KCNAB3: variants seen among roughly 807,000 people sequenced by gnomAD.
KCNAB3 encodes the protein voltage-gated potassium channel subunit beta-3.
KCNAB3 carries 62 observed loss-of-function variants against 67.7 expected under a neutral mutation model. That is an observed-to-expected ratio of 0.92 (90% CI 0.75 to 1.13). KCNAB3 has a LOEUF of 1.13. Ranked by LOEUF, KCNAB3 falls within the 50% of genes most tolerant of loss-of-function variation. The probability of loss-of-function intolerance (pLI) is 0.00; values close to 1 mark genes in which losing one functional copy is unlikely to be tolerated. For missense variants in KCNAB3, 514 were observed against 522.9 expected, an observed-to-expected ratio of 0.98 and a Z score of 0.17; for synonymous variants, 212 against 205.4, an observed-to-expected ratio of 1.03 and a Z score of -0.27.
Position 7,929,122 on chromosome 17 carries a change from C to T in KCNAB3, c.242+72G>A, listed in dbSNP as rs750896684. 3 of 1,571,238 alleles carry T rather than the reference C, an allele frequency of 1.9e-6. No homozygotes were observed. The highest frequency in any genetic ancestry group is 2.3e-5 in the South Asian group (2 of 85,566). ...TTAGTGAAGTTTGAAGGGGTCTTGG[C>T]GGCCATCTCAAGCAGTCTCAGGGGT... On this transcript the variant is annotated intron_variant, in intron 1 of 13. Coordinates refer to ENST00000303790, the MANE Select transcript of KCNAB3 (RefSeq NM_004732.4). The surrounding 1 kb of genome is among the most constrained non-coding windows in gnomAD (Gnocchi z 5.7).
At position 7,924,128 on chromosome 17, in the gene KCNAB3, G is replaced by C; in HGVS notation, c.832+17C>G. 6.2e-7 allele frequency: 1 copy of C among 1,614,172 alleles called. No individual in the cohort carries two copies. The highest frequency in any genetic ancestry group is 8.5e-7 in the Non-Finnish European group (1 of 1,180,028). On this transcript the variant is annotated intron_variant, in intron 10 of 13. Coordinates refer to ENST00000303790, the MANE Select transcript of KCNAB3 (RefSeq NM_004732.4). ...ATGGATGAGGCTAAGGTAAAGGCAG[G>C]GATGAGGGCTGCAAACCAATCTTGT...
At position 7,922,900 on chromosome 17, in the gene KCNAB3, C is replaced by G. The variant is rs1972079837; in HGVS notation, c.*202G>C. 5 of 593,240 alleles carry G rather than the reference C, an allele frequency of 8.4e-6. No homozygotes were observed. In the Admixed American group the frequency reaches 1.4e-4, roughly 17 times the overall value. The allele number at this position is 593,240 out of a possible 1,614,324, so 36.7% of individuals were successfully genotyped here. ...AAAGACGCAGCAGGGGGCGGGCGTG[C>G]TACTTTCTCTCTCGACCCCACTGCA... On this transcript the variant is annotated 3_prime_UTR_variant, in exon 14 of 14. Coordinates refer to ENST00000303790, the MANE Select transcript of KCNAB3 (RefSeq NM_004732.4).
Position 7,922,896 on chromosome 17 carries a change from C to A in KCNAB3, c.*206G>T, listed in dbSNP as rs976877738. 3.4e-6 allele frequency: 2 copies of A among 590,836 alleles called. No individual in the cohort carries two copies. The highest frequency in any genetic ancestry group is 1.9e-5 in the African/African-American group (1 of 53,728). The allele number at this position is 590,836 out of a possible 1,614,324, so 36.6% of individuals were successfully genotyped here. ...CTAGAAAGACGCAGCAGGGGGCGGG[C>A]GTGCTACTTTCTCTCTCGACCCCAC... On this transcript the variant is annotated 3_prime_UTR_variant, in exon 14 of 14. Transcript: ENST00000303790.
chr17:7,926,590 A>G (rs1487532186), intron 4 of KCNAB3, among the ~76,000 whole-genome samples: 9 of 152,226 alleles, frequency 5.9e-5, no homozygotes, highest in Admixed American at 5.2e-4. Context: ...ATAATTTAGC[A>G]TAAAATTATG....
Position 7,929,796 on chromosome 17 carries a change from T to TTTTTAATGATA in KCNAB3, c.-362_-361insTATCATTAAAA. On this transcript the variant is annotated 5_prime_UTR_variant, in exon 1 of 14. Transcript: ENST00000303790. The surrounding 1 kb of genome is among the most constrained non-coding windows in gnomAD (Gnocchi z 5.7). ...AGCGGGGCGGGAGAGAGATGCCACT[T>TTTTTAATGATA]CAGCGCGAACCGCTGCGGGACCCGC... 260 of 1,128,148 alleles carry TTTTTAATGATA rather than the reference T, an allele frequency of 2.3e-4. No homozygotes were observed. The highest frequency in any genetic ancestry group is 1.4e-3 in the Admixed American group (30 of 20,696). The allele number at this position is 1,128,148 out of a possible 1,614,324, so 69.9% of individuals were successfully genotyped here.
Position 7,929,846 on chromosome 17 carries a change from G to A in KCNAB3, c.-411C>T, listed in dbSNP as rs369938158. The A allele has an allele frequency of 2.8e-6, 3 of 1,078,530 alleles. No individual in the cohort carries two copies. Among genetic ancestry groups the A allele is most frequent in the Non-Finnish European group, 2.3e-6 (2 of 887,342 alleles). 66.8% of individuals were successfully genotyped at this position (1,078,530 alleles called of 1,614,324 possible). A position where few individuals can be genotyped will look rare whatever the true frequency, so the allele number is the denominator to read the frequency against. ...CTGGGCTCCCAGCCGCGTCGGCAGC[G>A]GGCCCAGCTCATCAGCATGCAGGCA... is the stretch of plus-strand genomic sequence containing the variant. On this transcript the variant is annotated 5_prime_UTR_variant, in exon 1 of 14. Transcript: ENST00000303790. This position sits in a 1 kb window ranked among gnomAD's most constrained non-coding sequence, Gnocchi z 5.7.
Position 7,924,467 on chromosome 17 carries a change from T to C in KCNAB3, c.659A>G (p.Gln220Arg). The change falls in exon 9 of 14, where the codon CAG becomes CGG. Residue 220 changes from glutamine (Q) to arginine (R), a missense_variant. Coordinates refer to ENST00000303790, the MANE Select transcript of KCNAB3 (RefSeq NM_004732.4). ...IVRAMTYVIN[Q>R]GLALYWGTSR... Reference sequence around the variant, plus strand: ...TGTCCCCCAGTATAGGGCCAGGCCCTGGTTGATGACATAGGTCATGGCTCG... The same window carrying C: ...TGTCCCCCAGTATAGGGCCAGGCCCCGGTTGATGACATAGGTCATGGCTCG... The C allele has an allele frequency of 6.2e-7, 1 of 1,614,114 alleles. No homozygotes were observed. Among genetic ancestry groups the C allele is most frequent in the Non-Finnish European group, 8.5e-7 (1 of 1,179,990 alleles).
At chr17:7,928,113 C>T (rs1972297371) in intron 1 of KCNAB3, 4 of 551,664 alleles carry the variant, frequency 7.3e-6, no homozygotes, top group Non-Finnish European at 1.3e-5. Flanking sequence ...GTTTGTCCTT[C>T]TTCTGGGGTC....
At chr17:7,927,117 T>C (rs1206526640) in intron 4 of KCNAB3, 6 of 562,476 alleles carry the variant, frequency 1.1e-5, no homozygotes, top group Non-Finnish European at 1.9e-5. Context: ...GATATATTTG[T>C]TGCCTTTATT....
chr17:7,924,907 C>A, intron 8 of KCNAB3, 190 bp downstream of exon 8: 1 of 589,044 alleles, frequency 1.7e-6, no homozygotes, highest in Non-Finnish European at 2.9e-6. Flanking sequence ...CCACAGCCAG[C>A]TAATTTTAAA....
Position 7,929,822 on chromosome 17 carries a change from TGGGCTCCC to T in KCNAB3, c.-395_-388del. On this transcript the variant is annotated 5_prime_UTR_variant, in exon 1 of 14. Coordinates refer to ENST00000303790, the MANE Select transcript of KCNAB3 (RefSeq NM_004732.4). The surrounding 1 kb of genome is among the most constrained non-coding windows in gnomAD (Gnocchi z 5.7). ...CAGCGCGAACCGCTGCGGGACCCGCTGGGCTCCCAGCCGCGTCGGCAGCGGGCCCAGCT... is the reference window on the plus strand; with the variant it reads ...CAGCGCGAACCGCTGCGGGACCCGCTAGCCGCGTCGGCAGCGGGCCCAGCT... 17 of 1,066,396 alleles carry T rather than the reference TGGGCTCCC, an allele frequency of 1.6e-5. No individual in the cohort carries two copies. The highest frequency in any genetic ancestry group is 1.6e-4 in the Admixed American group (3 of 19,138). The allele number at this position is 1,066,396 out of a possible 1,614,324, so 66.1% of individuals were successfully genotyped here. A position where few individuals can be genotyped will look rare whatever the true frequency, so the allele number is the denominator to read the frequency against.
At chr17:7,923,355 T>C in intron 13 of KCNAB3, 101 bp downstream of exon 13, 2 of 1,316,260 alleles carry the variant, frequency 1.5e-6, no homozygotes, top group Non-Finnish European at 2.1e-6. Context: ...AGTGAGGACT[T>C]TGTAGTGGGT....
intron 9 of KCNAB3, 68 bp from the exon 10 acceptor site, chr17:7,924,333 C>T: frequency 1.9e-6 from 3 of 1,610,714 alleles, no homozygotes; most frequent in Non-Finnish European, 2.5e-6. Context: ...GCCTTCTCCC[C>T]CAGTGCAGTG....
chr17:7,921,904 T>G lies in KCNAB3; in HGVS notation c.*1198A>C, dbSNP rs2151712195. The G allele has an allele frequency of 6.6e-6, 1 of 152,296 alleles. No homozygotes were observed. Among genetic ancestry groups the G allele is most frequent in the South Asian group, 2.1e-4 (1 of 4,830 alleles). 9.4% of individuals were successfully genotyped at this position (152,296 alleles called of 1,614,324 possible). A position where few individuals can be genotyped will look rare whatever the true frequency, so the allele number is the denominator to read the frequency against. On this transcript the variant is annotated 3_prime_UTR_variant, in exon 14 of 14. Transcript: ENST00000303790. ...ATACAAACAAATAAAGGCAGATAGC[T>G]AAGTCTTTCATAGAAAGAGGAGGAA...
chr17:7,926,819 C>T (rs1342177835), intron 4 of KCNAB3, among the ~76,000 whole-genome samples: 1 of 152,156 alleles, frequency 6.6e-6, no homozygotes, highest in Non-Finnish European at 1.5e-5. Flanking sequence ...GGAAGGAGGC[C>T]TCTGACTTGA....
chr17:7,927,200 A>G (rs1972260639), intron 4 of KCNAB3, 144 bp downstream of exon 4: 2 of 753,896 alleles, frequency 2.7e-6, no homozygotes, highest in Non-Finnish European at 4.7e-6. Flanking sequence ...TAGCTCCTAC[A>G]GTGCTTTCGG....
rs201792582 is a variant in KCNAB3 at position 7,929,287 on chromosome 17, C to T, written c.149G>A (p.Gly50Asp). ...HGNPPGGGGS[G>D]PKARAALVPR... ...AACCAGTGCAGCTCGGGCCTTGGGGCCAGACCCTCCACCCCCCGGAGGATT... is the reference window on the plus strand; with the variant it reads ...AACCAGTGCAGCTCGGGCCTTGGGGTCAGACCCTCCACCCCCCGGAGGATT... Residue 50 changes from glycine (G) to aspartate (D), a missense_variant, in exon 1 of 14, where the codon GGC (glycine) becomes GAC (aspartate). Transcript: ENST00000303790. The surrounding 1 kb of genome is among the most constrained non-coding windows in gnomAD (Gnocchi z 5.7). The T allele has an allele frequency of 3.8e-6, 6 of 1,586,330 alleles. No homozygotes were observed. In the South Asian group the frequency reaches 4.6e-5, roughly 12 times the overall value.
In KCNAB3 at chr17:7,923,105, C is replaced by G. The variant is rs757516514; in HGVS notation, c.1212G>C (p.Lys404Asn). The part of the protein sequence containing the change: ...GLLGNKPHSK[K>N] ...GGGTCCCTGCGCCCGCGACAGACTA[C>G]TTCTTGGAATGCGGCTTGTTTCCCA... Residue 404 changes from lysine (K) to asparagine (N), a missense_variant, in exon 14 of 14, where the codon AAG becomes AAC. Physicochemically the swap from Lys to Asn is moderately conservative, Grantham distance 94. Coordinates refer to ENST00000303790, the MANE Select transcript of KCNAB3 (RefSeq NM_004732.4). The G allele has an allele frequency of 1.9e-5, 31 of 1,614,170 alleles. No individual in the cohort carries two copies. The highest frequency in any genetic ancestry group is 2.6e-5 in the Non-Finnish European group (31 of 1,180,010).
chr17:7,927,935 C>G (rs1972291478), intron 1 of KCNAB3, 109 bp from the exon 2 acceptor site: 1 of 1,357,028 alleles, frequency 7.4e-7, no homozygotes. Flanking sequence ...GTGTCTCAGT[C>G]CAAAGAAATT....
Sources: allele counts gnomAD v4.1 joint callset (sites outside exome capture counted in the v4.1 genomes callset), GRCh38; gene constraint gnomAD v4.1.1; non-coding constraint Gnocchi (gnomAD v3.1); transcripts MANE v1.5; gene names NCBI Gene and HGNC (gene_info 2026-07-23, HGNC 2026-07-21).